The following NPAS3 variants were observed in gnomAD, a reference collection of about 807,000 sequenced individuals.
The protein encoded by NPAS3 is neuronal PAS domain-containing protein 3.
Under a neutral mutation model 73.1 loss-of-function variants are expected in NPAS3, and 14 were observed. The ratio of observed to expected loss-of-function variants is 0.19; its 90% CI spans 0.13 to 0.30. The LOEUF is 0.30. Among genes scored for constraint, NPAS3 ranks in the 10% least tolerant of loss-of-function variants. NPAS3 has a pLI of 1.00. For synonymous variants in NPAS3, 620 were observed against 541.5 expected (o/e 1.14, Z -2.01); for missense variants, 1,096 against 1,250.0 (o/e 0.88, Z 1.86).
intron 5 of NPAS3, among the ~76,000 whole-genome samples, chr14:33,628,383 A>C (rs2058281667): frequency 6.6e-6 from 1 of 152,230 alleles, no homozygotes; most frequent in South Asian, 2.1e-4. Flanking sequence ...GAAAATGTAA[A>C]GTCAATGAAG....
At chr14:33,234,174 C>T (rs1346275057) in intron 3 of NPAS3, among the ~76,000 whole-genome samples, 1 of 152,044 alleles carries the variant, frequency 6.6e-6, no homozygotes, top group Non-Finnish European at 1.5e-5. Flanking sequence ...TGGCAATTCC[C>T]TTTAAAAAAT....
intron 1 of NPAS3, among the ~76,000 whole-genome samples, chr14:33,029,155 T>TA (rs969719533): frequency 5.3e-5 from 8 of 151,912 alleles, no homozygotes; most frequent in African/African-American, 1.9e-4. Context: ...GAAGGGAACA[T>TA]AGGAGTGAGG....
At chr14:33,487,079 G>A (rs1183499026) in intron 4 of NPAS3, among the ~76,000 whole-genome samples, 1 of 152,180 alleles carries the variant, frequency 6.6e-6, no homozygotes, top group Non-Finnish European at 1.5e-5. Context: ...TTTCTTACAT[G>A]TGAGGAAAGA....
intron 4 of NPAS3, among the ~76,000 whole-genome samples, chr14:33,555,350 T>G (rs1400808657): frequency 6.6e-6 from 1 of 152,162 alleles, no homozygotes; most frequent in Non-Finnish European, 1.5e-5. Context: ...CCAACCTTAG[T>G]TAATAATCAG....
At chr14:33,223,995 T>C (rs930382750) in intron 3 of NPAS3, among the ~76,000 whole-genome samples, 1 of 152,162 alleles carries the variant, frequency 6.6e-6, no homozygotes, top group African/African-American at 2.4e-5. Flanking sequence ...CTTCATATAC[T>C]TTTTCTTTGC....
At chr14:33,423,606 G>A (rs749700035) in intron 4 of NPAS3, among the ~76,000 whole-genome samples, 12 of 151,906 alleles carry the variant, frequency 7.9e-5, no homozygotes, top group African/African-American at 2.9e-4. Flanking sequence ...GGAGACAAAC[G>A]TACTTTAGTT....
At chr14:33,618,297 A>AAT (rs2057980246) in intron 5 of NPAS3, among the ~76,000 whole-genome samples, 1 of 152,036 alleles carries the variant, frequency 6.6e-6, no homozygotes, top group Non-Finnish European at 1.5e-5. Flanking sequence ...AATATAATGT[A>AAT]ATATATAATT....
intron 3 of NPAS3, among the ~76,000 whole-genome samples, chr14:33,228,053 C>T (rs981544873): frequency 6.6e-6 from 1 of 152,106 alleles, no homozygotes; most frequent in Admixed American, 6.6e-5. Context: ...CTGCAGTGAG[C>T]TGAGATTGTG....
chr14:33,777,032 G>C (rs914201087), intron 8 of NPAS3, among the ~76,000 whole-genome samples: 1 of 151,954 alleles, frequency 6.6e-6, no homozygotes, highest in African/African-American at 2.4e-5. Flanking sequence ...TTAGGGAATT[G>C]TTAACTAGAA....
intron 4 of NPAS3, among the ~76,000 whole-genome samples, chr14:33,508,701 G>A (rs572733457): frequency 1.6e-4 from 25 of 152,118 alleles, no homozygotes; most frequent in African/African-American, 5.1e-4. Context: ...CTTACTGCCC[G>A]TGTGAGAGTA....
intron 3 of NPAS3, among the ~76,000 whole-genome samples, chr14:33,290,969 TTA>T (rs2140108714): frequency 6.6e-6 from 1 of 152,142 alleles, no homozygotes; most frequent in African/African-American, 2.4e-5. Flanking sequence ...GCCCCACTTT[TTA>T]TGACTAGTTT....
intron 7 of NPAS3, among the ~76,000 whole-genome samples, chr14:33,742,960 T>A (rs1276578619): frequency 6.6e-6 from 1 of 152,204 alleles, no homozygotes; most frequent in African/African-American, 2.4e-5. Context: ...TTCAGTCACA[T>A]CCTCAAGCTC....
At chr14:33,596,680 A>G (rs1269414572) in intron 5 of NPAS3, among the ~76,000 whole-genome samples, 3 of 152,242 alleles carry the variant, frequency 2.0e-5, no homozygotes, top group Non-Finnish European at 4.4e-5. Context: ...TTGTATTACA[A>G]TGCACTTGCT....
chr14:33,271,520 T>C (rs964774646), intron 3 of NPAS3, among the ~76,000 whole-genome samples: 1 of 152,034 alleles, frequency 6.6e-6, no homozygotes, highest in Admixed American at 6.6e-5. Flanking sequence ...AGGCTTTCAT[T>C]TGGGTATTGT....
chr14:32,962,569 C>CTTTTTTTTTTTTTTTTTTTTTTTTTT (rs71432096), intron 1 of NPAS3, among the ~76,000 whole-genome samples: 4 of 110,612 alleles, frequency 3.6e-5, no homozygotes, highest in African/African-American at 7.4e-5. Flanking sequence ...TTTTTCTTTT[C>CTTTTTTTTTTTTTTTTTTTTTTTTTT]TTTTTTTTTT....
chr14:33,698,238 A>G (rs923178109), intron 6 of NPAS3, among the ~76,000 whole-genome samples: 2 of 152,248 alleles, frequency 1.3e-5, no homozygotes, highest in Non-Finnish European at 1.5e-5. Flanking sequence ...ACCAAGAGAC[A>G]TACAACATAT....
In NPAS3 at chr14:33,397,512, G is replaced by A. The variant is rs2047273880; in HGVS notation, c.468+30244G>A. 2.0e-5 allele frequency among the ~76,000 whole-genome samples: 3 copies of A among 152,098 alleles called. No individual in the cohort carries two copies. The South Asian group carries it at 6.3e-4, about 32-fold the overall frequency. On this transcript the variant is annotated intron_variant, in intron 4 of 11. Coordinates refer to ENST00000356141, the Ensembl canonical transcript of NPAS3. The stretch of plus-strand genomic sequence containing the variant: ...TGCTACTGTACAGTACTTCTTGGTG[G>A]CTCTATTACACCAATGCTTTATTCT...
At chr14:32,938,486 T>TAAGAGAGAGAGAGAGA (rs1555372901), upstream of NPAS3, among the ~76,000 whole-genome samples, 1 of 55,906 alleles carries the variant, frequency 1.8e-5, no homozygotes. Flanking sequence ...AGAGAGAAAT[T>TAAGAGAGAGAGAGAGA]GAGAGAGAGA....
chr14:33,612,485 C>G, intron 5 of NPAS3: 1 of 456,060 alleles, frequency 2.2e-6, no homozygotes, highest in African/African-American at 2.0e-5. Context: ...GCATTTATGT[C>G]ACTTTTTAAA....
Sources: allele counts gnomAD v4.1 joint callset (sites outside exome capture counted in the v4.1 genomes callset), GRCh38; gene constraint gnomAD v4.1.1; transcripts MANE v1.5; gene names NCBI Gene and HGNC (gene_info 2026-07-23, HGNC 2026-07-21).